The following CNTNAP2 variants were observed in gnomAD, a reference collection of about 807,000 sequenced individuals.
CNTNAP2 encodes contactin-associated protein-like 2.
Under a neutral mutation model 155.2 loss-of-function variants are expected in CNTNAP2, and 98 were observed. That is an observed-to-expected ratio of 0.63 (90% confidence interval 0.54 to 0.75). The LOEUF (loss-of-function observed/expected upper bound fraction) is 0.75. Ranked by LOEUF, CNTNAP2 falls within the 30% of genes least tolerant of loss-of-function variation. CNTNAP2 has a pLI of 0.00. For missense variants in CNTNAP2, 1,727 were observed against 1,688.1 expected (o/e 1.02, Z -0.40); for synonymous variants, 651 against 631.2 (o/e 1.03, Z -0.47).
At chr7:146,877,296 G>A (rs76618189) in intron 3 of CNTNAP2, among the ~76,000 whole-genome samples, 3,859 of 150,260 alleles carry the variant, frequency 0.026, 79 homozygotes, top group Middle Eastern at 0.041. Context: ...GAGGCTAAGA[G>A]TTCGAAATCA....
intron 1 of CNTNAP2, among the ~76,000 whole-genome samples, chr7:146,412,079 C>A (rs543810245): frequency 3.7e-4 from 56 of 152,124 alleles, no homozygotes; most frequent in African/African-American, 1.3e-3. Context: ...GTGATCCACT[C>A]ACCTTGGCCT....
chr7:146,337,539 A>C (rs961623698), intron 1 of CNTNAP2, among the ~76,000 whole-genome samples: 1 of 152,086 alleles, frequency 6.6e-6, no homozygotes, highest in Admixed American at 6.6e-5. Flanking sequence ...GCTCACTGCA[A>C]CCTCCTCATC....
chr7:146,642,489 C>T (rs1424011172), intron 1 of CNTNAP2, among the ~76,000 whole-genome samples: 1 of 151,866 alleles, frequency 6.6e-6, no homozygotes, highest in Non-Finnish European at 1.5e-5. Flanking sequence ...GACATGAACT[C>T]ATCATTTCTT....
At chr7:147,745,326 G>A (rs1047457194) in intron 13 of CNTNAP2, among the ~76,000 whole-genome samples, 1 of 152,144 alleles carries the variant, frequency 6.6e-6, no homozygotes, top group African/African-American at 2.4e-5. Flanking sequence ...CCATTTCAGG[G>A]AAGGCAATCT....
In CNTNAP2 at chr7:146,652,537, A is replaced by C. The variant is rs1021565673; in HGVS notation, c.98-121734A>C. ...TTCACTGAAAAATTTTACTGTCATGACCCCTTTAACAATCTTTTTACTTCT... is the reference window on the plus strand; with the variant it reads ...TTCACTGAAAAATTTTACTGTCATGCCCCCTTTAACAATCTTTTTACTTCT... On this transcript the variant is annotated intron_variant, in intron 1 of 23. Transcript: ENST00000361727. Among the ~76,000 whole-genome samples the C allele has an allele frequency of 2.6e-5, 4 of 152,168 alleles. No homozygotes were observed. In the East Asian group the frequency reaches 7.7e-4, roughly 29 times the overall value.
At chr7:147,324,609 A>G (rs1056197633) in intron 9 of CNTNAP2, among the ~76,000 whole-genome samples, 1 of 152,118 alleles carries the variant, frequency 6.6e-6, no homozygotes, top group Non-Finnish European at 1.5e-5. Flanking sequence ...CCTCATAACA[A>G]TTTCATCAAA....
intron 15 of CNTNAP2, among the ~76,000 whole-genome samples, chr7:147,992,849 C>A (rs1356963586): frequency 6.6e-6 from 1 of 152,204 alleles, no homozygotes; most frequent in Non-Finnish European, 1.5e-5. Context: ...GCTCAATAAT[C>A]TTTTCTGTAA....
chr7:146,320,293 G>C (rs1310125739), intron 1 of CNTNAP2, among the ~76,000 whole-genome samples: 1 of 152,016 alleles, frequency 6.6e-6, no homozygotes, highest in African/African-American at 2.4e-5. Flanking sequence ...TCTGTTTTGT[G>C]TGGTGTCCTA....
chr7:147,923,702 C>G (rs1210798066), intron 14 of CNTNAP2, among the ~76,000 whole-genome samples: 1 of 151,000 alleles, frequency 6.6e-6, no homozygotes, highest in East Asian at 1.9e-4. Flanking sequence ...AAAAAAATTT[C>G]TAGAGATTTT....
At chr7:146,979,548 A>G (rs886135397) in intron 3 of CNTNAP2, among the ~76,000 whole-genome samples, 24 of 152,232 alleles carry the variant, frequency 1.6e-4, no homozygotes, top group African/African-American at 5.1e-4. Context: ...GTCTGTAATT[A>G]TTTTATTTGT....
At chr7:146,650,399 C>T (rs181000272) in intron 1 of CNTNAP2, among the ~76,000 whole-genome samples, 194 of 152,104 alleles carry the variant, frequency 1.3e-3, no homozygotes, top group African/African-American at 4.1e-3. Flanking sequence ...TGCAGGGACA[C>T]GGGTGAAGCT....
At chr7:148,119,630 A>G (rs1256661984) in intron 16 of CNTNAP2, among the ~76,000 whole-genome samples, 1 of 152,176 alleles carries the variant, frequency 6.6e-6, no homozygotes, top group Non-Finnish European at 1.5e-5. Flanking sequence ...TCCATTTCCC[A>G]TTTCTGCTGA....
intron 9 of CNTNAP2, among the ~76,000 whole-genome samples, chr7:147,367,379 C>T (rs1563177730): frequency 6.6e-6 from 1 of 152,126 alleles, no homozygotes; most frequent in South Asian, 2.1e-4. Context: ...TCTCTAGTGT[C>T]ACAGCAGGGT....
intron 11 of CNTNAP2, among the ~76,000 whole-genome samples, chr7:147,503,670 G>A (rs1467219742): frequency 1.4e-5 from 2 of 144,184 alleles, no homozygotes; most frequent in East Asian, 2.1e-4. Flanking sequence ...AAACTTAAAC[G>A]GATTTCTCTT....
intron 3 of CNTNAP2, among the ~76,000 whole-genome samples, chr7:146,882,046 T>C (rs1308327447): frequency 6.6e-6 from 1 of 152,072 alleles, no homozygotes; most frequent in Non-Finnish European, 1.5e-5. Flanking sequence ...CTCCCACTTA[T>C]AAGTGAAGAT....
intron 3 of CNTNAP2, among the ~76,000 whole-genome samples, chr7:146,859,677 A>G (rs918991915): frequency 2.0e-5 from 3 of 151,986 alleles, no homozygotes; most frequent in East Asian, 3.9e-4. Context: ...AAAAATATAT[A>G]TAATCCTAAC....
chr7:148,319,214 T>C (rs1797744984), intron 21 of CNTNAP2, among the ~76,000 whole-genome samples: 1 of 152,200 alleles, frequency 6.6e-6, no homozygotes, highest in African/African-American at 2.4e-5. Flanking sequence ...AAATACACTC[T>C]GTAATTAAGT....
intron 10 of CNTNAP2, among the ~76,000 whole-genome samples, chr7:147,470,072 T>C (rs921502320): frequency 5.9e-5 from 9 of 152,138 alleles, no homozygotes; most frequent in Non-Finnish European, 1.2e-4. Flanking sequence ...GCATGTAATT[T>C]AGGGCTCCAT....
chr7:147,282,850 C>G (rs927145188), intron 8 of CNTNAP2, among the ~76,000 whole-genome samples: 9 of 151,854 alleles, frequency 5.9e-5, no homozygotes, highest in Non-Finnish European at 1.0e-4. Flanking sequence ...CCTGCTTTGG[C>G]CTCCCAAAAT....
Sources: allele counts gnomAD v4.1 joint callset (sites outside exome capture counted in the v4.1 genomes callset), GRCh38; gene constraint gnomAD v4.1.1; transcripts MANE v1.5; gene names NCBI Gene and HGNC (gene_info 2026-07-23, HGNC 2026-07-21).